Variants in DNAH14 observed in about 807,000 individuals in gnomAD.
DNAH14 encodes the protein dynein axonemal heavy chain 14, also known as axonemal beta dynein heavy chain 14.
In DNAH14, 478 loss-of-function variants were observed where a neutral mutation model predicts 520.9. The observed-to-expected ratio is 0.92, with a 90% CI of 0.85 to 0.99. The LOEUF (loss-of-function observed/expected upper bound fraction) is 0.99, where lower values mean the gene tolerates loss of function less well. Ranked by LOEUF, DNAH14 falls within the 50% of genes least tolerant of loss-of-function variation. The pLI is 0.00. For synonymous variants in DNAH14, 1,581 were observed against 1,757.2 expected (o/e 0.90, Z 2.51); for missense variants, 4,831 against 5,234.5 (o/e 0.92, Z 2.38).
rs531585072 is a variant in DNAH14 at position 225,307,943 on chromosome 1, T to C, written c.9115-342T>C. 3.9e-5 allele frequency among the ~76,000 whole-genome samples: 6 copies of C among 152,326 alleles called. No homozygotes were observed. In the East Asian group the frequency reaches 1.2e-3, roughly 29 times the overall value. On this transcript the variant is annotated intron_variant, in intron 59 of 85. Transcript: ENST00000682510. Reference sequence around the variant, plus strand: ...TAAAAACCATCATTCATCATCACTCTTTGTGTGTAACGCATGAAATATTTA... The same window carrying C: ...TAAAAACCATCATTCATCATCACTCCTTGTGTGTAACGCATGAAATATTTA...
Position 225,374,715 on chromosome 1 carries a change from C to T in DNAH14, c.12346C>T (p.Leu4116=). ...TGCCATTAAGGTGTTGGAAAATTCC[C>T]TGAGAGGACAGCCCAGCATTTCGTG... ...GVAIKVLENS[L]RGQPSISWQA... The change falls in exon 78 of 86, where the codon CTG becomes TTG. Residue 4116 remains leucine, a synonymous_variant. Coordinates refer to ENST00000682510, the MANE Select transcript of DNAH14 (RefSeq NM_001367479.1). 1 of 1,549,080 alleles carries T rather than the reference C, an allele frequency of 6.5e-7. No homozygotes were observed. Among genetic ancestry groups the T allele is most frequent in the Non-Finnish European group, 8.7e-7 (1 of 1,145,402 alleles).
chr1:224,940,380 G>C (rs2059331697), intron 1 of DNAH14, among the ~76,000 whole-genome samples: 1 of 152,160 alleles, frequency 6.6e-6, no homozygotes, highest in Non-Finnish European at 1.5e-5. Context: ...GATGAGTGGA[G>C]TAGCATCCAT....
intron 4 of DNAH14, among the ~76,000 whole-genome samples, chr1:224,962,840 T>C (rs2060928547): frequency 6.6e-6 from 1 of 152,188 alleles, no homozygotes. Context: ...TTGCTGAAAT[T>C]GCCTCCATTT....
At chr1:225,074,798 A>G (rs1357213573) in intron 17 of DNAH14, among the ~76,000 whole-genome samples, 2 of 152,190 alleles carry the variant, frequency 1.3e-5, no homozygotes, top group Non-Finnish European at 2.9e-5. Context: ...CCAAACAGCA[A>G]ACATAGTGGC....
At chr1:225,058,277 G>T (rs1204075092) in intron 17 of DNAH14, among the ~76,000 whole-genome samples, 1 of 152,156 alleles carries the variant, frequency 6.6e-6, no homozygotes, top group Non-Finnish European at 1.5e-5. Flanking sequence ...GTGTGTCAAG[G>T]AATTTATCCA....
At chr1:225,389,617 T>C (rs891619947) in intron 82 of DNAH14, 117 bp from the exon 83 acceptor site, 31 of 1,206,656 alleles carry the variant, frequency 2.6e-5, no homozygotes, top group Non-Finnish European at 3.3e-5. Flanking sequence ...GAGTCCTGCA[T>C]TGGGGGAATC....
rs1158696930 is a variant in DNAH14 at position 224,968,834 on chromosome 1, T to C, written c.727T>C (p.Tyr243His). 1.9e-6 allele frequency: 3 copies of C among 1,544,404 alleles called. No homozygotes were observed. The Admixed American group carries it at 6.1e-5, about 31-fold the overall frequency. ...GGAATGGCTATCAGAAAGAAGACAT[T>C]ACTATTTATTACGGCAATTCAAGAT... is the stretch of plus-strand genomic sequence containing the variant. ...TLEWLSERRHYYLLRQFKIFS... is the reference protein window; with the variant it reads ...TLEWLSERRHHYLLRQFKIFS... The change falls in exon 7 of 86, where the codon TAC becomes CAC. Residue 243 changes from tyrosine (Y) to histidine (H), a missense_variant. Physicochemically the swap from Tyr to His is moderately conservative, Grantham distance 83. Coordinates refer to ENST00000682510, the MANE Select transcript of DNAH14 (RefSeq NM_001367479.1).
In DNAH14 at chr1:225,364,832, C is replaced by T; in HGVS notation, c.12028C>T (p.Leu4010=). 1.9e-6 allele frequency: 3 copies of T among 1,548,626 alleles called. No individual in the cohort carries two copies. Among genetic ancestry groups the T allele is most frequent in the Non-Finnish European group, 2.6e-6 (3 of 1,145,920 alleles). ...PNVTIDPEFR[L]WLSSKSYSSF... is the part of the protein sequence containing the mutation. ...CGTGACAATAGACCCTGAGTTTCGG[C>T]TATGGTTAAGCTCAAAATCATACAG... is the stretch of plus-strand genomic sequence containing the variant. The change falls in exon 76 of 86, where the codon CTA becomes TTA. Residue 4010 remains leucine, a synonymous_variant. Transcript: ENST00000682510.
chr1:225,278,401 A>G (rs1023324892), intron 54 of DNAH14, among the ~76,000 whole-genome samples: 1 of 152,148 alleles, frequency 6.6e-6, no homozygotes, highest in Non-Finnish European at 1.5e-5. Flanking sequence ...TCAAACCTGC[A>G]TATTTCTCTG....
chr1:225,276,979 AAGGAAGGGAGGG>A (rs1372743659), intron 53 of DNAH14, among the ~76,000 whole-genome samples: 40 of 49,352 alleles, frequency 8.1e-4, no homozygotes, highest in African/African-American at 3.4e-3. Flanking sequence ...GGAAGGAAGG[AAGGAAGGGAGGG>A]AGGAAGGAAG....
At chr1:225,198,824 G>C (rs538644380) in intron 38 of DNAH14, among the ~76,000 whole-genome samples, 48 of 152,178 alleles carry the variant, frequency 3.2e-4, no homozygotes, top group African/African-American at 1.1e-3. Context: ...TCCTTTCCTG[G>C]TTTTGGTATT....
At chr1:225,042,331 A>G (rs2067552725) in intron 12 of DNAH14, among the ~76,000 whole-genome samples, 1 of 152,196 alleles carries the variant, frequency 6.6e-6, no homozygotes, top group Admixed American at 6.5e-5. Context: ...CATAAATGAG[A>G]TATTTATCCC....
intron 3 of DNAH14, among the ~76,000 whole-genome samples, chr1:224,959,503 C>T (rs909592316): frequency 6.6e-6 from 1 of 152,098 alleles, no homozygotes; most frequent in African/African-American, 2.4e-5. Context: ...ATGCCTTGCA[C>T]TACAGAAATA....
At chr1:225,105,842 T>C (rs969331116) in intron 23 of DNAH14, among the ~76,000 whole-genome samples, 2 of 152,106 alleles carry the variant, frequency 1.3e-5, no homozygotes, top group African/African-American at 4.8e-5. Context: ...CTTTATCCAA[T>C]TTGCCAGTCT....
chr1:225,335,705 A>ATATTCATAAGTACATC, intron 66 of DNAH14, among the ~76,000 whole-genome samples: 1 of 89,988 alleles, frequency 1.1e-5, no homozygotes, highest in Non-Finnish European at 2.3e-5. Context: ...ATATGTGCAT[A>ATATTCATAAGTACATC]TATGTATATA....
intron 43 of DNAH14, among the ~76,000 whole-genome samples, chr1:225,242,266 T>G (rs1011180274): frequency 4.6e-5 from 7 of 152,096 alleles, no homozygotes; most frequent in African/African-American, 1.7e-4. Context: ...AATAATAACC[T>G]TAGCTTACTA....
intron 37 of DNAH14, among the ~76,000 whole-genome samples, chr1:225,187,431 G>A (rs1039266617): frequency 1.7e-4 from 26 of 151,894 alleles, no homozygotes; most frequent in African/African-American, 5.5e-4. Context: ...CCTTTTGGAT[G>A]CAATGAATAT....
rs1261989204 is a variant in DNAH14, at chr1:225,144,556, C to G, written c.4668C>G (p.His1556Gln). ...RCWLTLMEAL[H>Q]LNLGGCPAGP... ...GGCTGACTCTCATGGAAGCACTACA[C>G]TTGAATCTAGGAGGCTGTCCTGCCG... The change falls in exon 29 of 86, where the codon CAC becomes CAG. Residue 1556 changes from histidine (H) to glutamine (Q), a missense_variant. His to Gln is a conservative substitution (Grantham distance 24). Transcript: ENST00000682510. 1 of 1,551,516 alleles carries G rather than the reference C, an allele frequency of 6.4e-7. No homozygotes were observed. The highest frequency in any genetic ancestry group is 2.4e-5 in the East Asian group (1 of 40,904).
chr1:225,347,340 G>A (rs777832342), intron 71 of DNAH14, among the ~76,000 whole-genome samples: 3 of 152,154 alleles, frequency 2.0e-5, no homozygotes, highest in Admixed American at 6.5e-5. Context: ...TTGTAAAACC[G>A]AGAAGAGATT....
Sources: gnomAD v4.1 joint callset for allele counts (sites outside exome capture counted in the v4.1 genomes callset) on GRCh38, gnomAD v4.1.1 for gene constraint, MANE v1.5 for transcripts, NCBI Gene and HGNC (gene_info 2026-07-23, HGNC 2026-07-21) for gene names.